The following PDS5B variants were observed in gnomAD, a reference collection of about 807,000 sequenced individuals.
The protein encoded by PDS5B is PDS5 cohesin associated factor B.
PDS5B carries 51 observed loss-of-function variants against 184.1 expected under a neutral mutation model. That is an observed-to-expected ratio of 0.28 (90% CI 0.22 to 0.35). The LOEUF (loss-of-function observed/expected upper bound fraction) is 0.35, where lower values mean the gene tolerates loss of function less well. Ranked by LOEUF, PDS5B falls within the 10% of genes least tolerant of loss-of-function variation. The pLI, the probability that PDS5B is intolerant of heterozygous loss-of-function variation, is 1.00. For synonymous variants in PDS5B, 566 were observed against 569.2 expected (o/e 0.99, Z 0.08); for missense variants, 1,180 against 1,723.3 (o/e 0.68, Z 5.58).
At chr13:32,754,929 T>C (rs1191924876) in intron 25 of PDS5B, among the ~76,000 whole-genome samples, 3 of 152,184 alleles carry the variant, frequency 2.0e-5, no homozygotes, top group African/African-American at 7.2e-5. Flanking sequence ...GATTCTAATA[T>C]AGGCCTGGAA....
In PDS5B at chr13:32,775,822, A is replaced by C. The variant is rs1373215535; in HGVS notation, c.*770A>C. 1 of 317,628 alleles carries C rather than the reference A, an allele frequency of 3.1e-6. No individual in the cohort carries two copies. Among genetic ancestry groups the C allele is most frequent in the Non-Finnish European group, 6.2e-6 (1 of 161,584 alleles). 19.7% of individuals were successfully genotyped at this position (317,628 alleles called of 1,614,324 possible). ...AATTTTAAAGAGTGTGTTATAAAAT[A>C]ATGTACTGAATTCTTTATCCCATTT... On this transcript the variant is annotated 3_prime_UTR_variant, in exon 35 of 35. Coordinates refer to ENST00000315596, the MANE Select transcript of PDS5B (RefSeq NM_015032.4).
At chr13:32,750,959 G>A (rs779126593) in intron 24 of PDS5B, among the ~76,000 whole-genome samples, 8 of 151,832 alleles carry the variant, frequency 5.3e-5, no homozygotes, top group Non-Finnish European at 1.2e-4. Flanking sequence ...CAGAAGTTAG[G>A]TGTACAGATT....
chr13:32,735,767 A>C (rs1021746395), intron 21 of PDS5B, among the ~76,000 whole-genome samples: 1 of 152,136 alleles, frequency 6.6e-6, no homozygotes, highest in South Asian at 2.1e-4. Context: ...TGATTTTGTT[A>C]GTCTCCAGTT....
At chr13:32,656,448 T>G (rs889004867) in intron 3 of PDS5B, among the ~76,000 whole-genome samples, 1 of 151,956 alleles carries the variant, frequency 6.6e-6, no homozygotes, top group African/African-American at 2.4e-5. Flanking sequence ...TTTAGTAACA[T>G]TGATTCTTCC....
chr13:32,761,310 C>T (rs1954386858), intron 30 of PDS5B, among the ~76,000 whole-genome samples: 1 of 151,952 alleles, frequency 6.6e-6, no homozygotes, highest in Non-Finnish European at 1.5e-5. Flanking sequence ...CATATATAAA[C>T]TTCGTTTTTT....
chr13:32,738,912 TC>T, intron 21 of PDS5B, among the ~76,000 whole-genome samples: 1 of 152,252 alleles, frequency 6.6e-6, no homozygotes, highest in African/African-American at 2.4e-5. Context: ...ACTCACGTGA[TC>T]CACCCAGTTC....
At chr13:32,750,888 T>TGTGTGTGTG (rs1566408847) in intron 24 of PDS5B, among the ~76,000 whole-genome samples, 12 of 149,168 alleles carry the variant, frequency 8.0e-5, no homozygotes, top group Admixed American at 2.0e-4. Context: ...TGTGTGTGTG[T>TGTGTGTGTG]TTTAAACTTT....
At chr13:32,592,481 T>A (rs2057792641) in intron 1 of PDS5B, among the ~76,000 whole-genome samples, 1 of 139,324 alleles carries the variant, frequency 7.2e-6, no homozygotes, top group South Asian at 2.1e-4. Context: ...GGTCTCGAAC[T>A]CCTGGCCTCA....
chr13:32,743,561 C>T (rs1953638689), intron 23 of PDS5B, among the ~76,000 whole-genome samples: 1 of 152,034 alleles, frequency 6.6e-6, no homozygotes, highest in South Asian at 2.1e-4. Context: ...GCTCTGTGCT[C>T]CTTAATATAT....
chr13:32,598,488 T>A (rs2057916312), intron 1 of PDS5B, among the ~76,000 whole-genome samples: 1 of 152,094 alleles, frequency 6.6e-6, no homozygotes, highest in Non-Finnish European at 1.5e-5. Context: ...ATTAACTTAT[T>A]TAGAGACAGG....
chr13:32,699,910 ATCTTC>A (rs1951818408), intron 16 of PDS5B, 41 bp downstream of exon 16: 2 of 1,498,300 alleles, frequency 1.3e-6, no homozygotes, highest in East Asian at 5.2e-5. Flanking sequence ...AAGCCCCCAA[ATCTTC>A]TTTATTGTTT....
intron 21 of PDS5B, among the ~76,000 whole-genome samples, chr13:32,739,141 A>G (rs1254745978): frequency 6.6e-6 from 1 of 152,134 alleles, no homozygotes; most frequent in African/African-American, 2.4e-5. Context: ...CACACACAAA[A>G]ATCAATCCAT....
At chr13:32,740,856 C>T (rs1306287337) in intron 21 of PDS5B, among the ~76,000 whole-genome samples, 2 of 151,618 alleles carry the variant, frequency 1.3e-5, no homozygotes, top group Admixed American at 1.3e-4. Flanking sequence ...AAGAACCAGT[C>T]GTGATGGATC....
intron 19 of PDS5B, among the ~76,000 whole-genome samples, chr13:32,728,814 ATAGTCT>A (rs1343173276): frequency 6.6e-6 from 1 of 152,176 alleles, no homozygotes; most frequent in Non-Finnish European, 1.5e-5. Flanking sequence ...AGGAGAGTAA[ATAGTCT>A]TAGTTACACC....
At position 32,753,178 on chromosome 13, in the gene PDS5B, T is replaced by C. The variant is rs139437703; in HGVS notation, c.2737-154T>C. On this transcript the variant is annotated intron_variant, in intron 24 of 34. Transcript: ENST00000315596. ...AATATTGCAGCTTCAAAATGAACTTTAGTCACAACATCTCACTCTTGTGAG... is the reference window on the plus strand; with the variant it reads ...AATATTGCAGCTTCAAAATGAACTTCAGTCACAACATCTCACTCTTGTGAG... Among the ~76,000 whole-genome samples the C allele has an allele frequency of 2.2e-4, 34 of 152,362 alleles. 1 individual carries two copies. The East Asian group carries it at 4.4e-3, about 20-fold the overall frequency.
At chr13:32,745,426 T>C (rs1387535056) in intron 23 of PDS5B, among the ~76,000 whole-genome samples, 3 of 152,254 alleles carry the variant, frequency 2.0e-5, no homozygotes, top group African/African-American at 2.4e-5. Context: ...CATTGACTTA[T>C]GTTTAAAAGA....
chr13:32,602,928 T>C (rs925576520), intron 1 of PDS5B, among the ~76,000 whole-genome samples: 1 of 152,224 alleles, frequency 6.6e-6, no homozygotes, highest in Non-Finnish European at 1.5e-5. Flanking sequence ...TTTGCCTACT[T>C]TTTGATGGGG....
At chr13:32,658,192 A>G in intron 3 of PDS5B, 47 bp from the exon 4 acceptor site, 2 of 859,880 alleles carry the variant, frequency 2.3e-6, no homozygotes, top group East Asian at 5.1e-5. Context: ...GGTTATTTTC[A>G]TTTAGCGTTC....
chr13:32,711,533 T>C (rs1363882334), intron 19 of PDS5B, among the ~76,000 whole-genome samples: 1 of 152,066 alleles, frequency 6.6e-6, no homozygotes, highest in Non-Finnish European at 1.5e-5. Flanking sequence ...AATTTTTGTA[T>C]TTTTAATAGA....
Sources: allele counts gnomAD v4.1 joint callset (sites outside exome capture counted in the v4.1 genomes callset), GRCh38; gene constraint gnomAD v4.1.1; transcripts MANE v1.5; gene names NCBI Gene and HGNC (gene_info 2026-07-23, HGNC 2026-07-21).